Variants in KCNIP1 observed in about 807,000 individuals in gnomAD.
KCNIP1 encodes the protein A-type potassium channel modulatory protein KCNIP1.
Under a neutral mutation model 33.0 loss-of-function variants are expected in KCNIP1, and 18 were observed. That is an observed-to-expected ratio of 0.55 (90% confidence interval 0.38 to 0.81). The LOEUF is 0.81. Ranked by LOEUF, KCNIP1 falls within the 30% of genes least tolerant of loss-of-function variation. The pLI is 0.00. For missense variants in KCNIP1, 238 were observed against 271.6 expected, an observed-to-expected ratio of 0.88 and a Z score of 0.87; for synonymous variants, 93 against 98.3, an observed-to-expected ratio of 0.95 and a Z score of 0.32.
intron 1 of KCNIP1, among the ~76,000 whole-genome samples, chr5:170,652,517 G>GGAAA (rs1761085669): frequency 7.7e-6 from 1 of 129,978 alleles, no homozygotes; most frequent in Non-Finnish European, 1.6e-5. Flanking sequence ...AAGGAAGGAA[G>GGAAA]GAGAAAAGAA....
chr5:170,599,501 T>C (rs1210729012), intron 1 of KCNIP1, among the ~76,000 whole-genome samples: 1 of 152,250 alleles, frequency 6.6e-6, no homozygotes, highest in East Asian at 1.9e-4. Context: ...TCTCCCATCA[T>C]TGGAGACAAT....
At chr5:170,731,715 A>G (rs1250902342) in intron 5 of KCNIP1, among the ~76,000 whole-genome samples, 1 of 146,892 alleles carries the variant, frequency 6.8e-6, no homozygotes, top group South Asian at 2.1e-4. Flanking sequence ...AAAAGAAAAA[A>G]GAAAAAAAGA....
intron 1 of KCNIP1, among the ~76,000 whole-genome samples, chr5:170,539,131 C>T (rs922226501): frequency 1.3e-5 from 2 of 152,172 alleles, no homozygotes; most frequent in Admixed American, 6.5e-5. Flanking sequence ...CCAAACTCAT[C>T]TCTAGTCTAC....
chr5:170,719,006 T>C, intron 2 of KCNIP1, 124 bp downstream of exon 2: 9 of 1,256,422 alleles, frequency 7.2e-6, no homozygotes, highest in Non-Finnish European at 9.8e-6. Context: ...AGGCCAGCTC[T>C]ATAAAGGGGG....
At chr5:170,464,051 G>T (rs897836088) in intron 1 of KCNIP1, among the ~76,000 whole-genome samples, 2 of 151,774 alleles carry the variant, frequency 1.3e-5, no homozygotes, top group Non-Finnish European at 2.9e-5. Flanking sequence ...ACTTACAATA[G>T]CATCAAGAAA....
intron 1 of KCNIP1, chr5:170,374,672 CAT>C (rs1763938694): frequency 6.6e-6 from 1 of 152,182 alleles, no homozygotes; most frequent in Non-Finnish European, 1.5e-5. Flanking sequence ...ACTAGACACT[CAT>C]TAGCAGAGTG....
chr5:170,725,487 G>A (rs1288688846), intron 5 of KCNIP1, among the ~76,000 whole-genome samples: 1 of 152,162 alleles, frequency 6.6e-6, no homozygotes, highest in Non-Finnish European at 1.5e-5. Flanking sequence ...TATGAAGATA[G>A]AGGGCAGAAG....
chr5:170,521,255 T>C (rs1247569497), intron 1 of KCNIP1, among the ~76,000 whole-genome samples: 1 of 152,210 alleles, frequency 6.6e-6, no homozygotes, highest in East Asian at 1.9e-4. Context: ...TCAGAATCTT[T>C]CTTAACACAA....
At chr5:170,715,007 G>A (rs960508150) in intron 1 of KCNIP1, among the ~76,000 whole-genome samples, 1 of 152,138 alleles carries the variant, frequency 6.6e-6, no homozygotes, top group Non-Finnish European at 1.5e-5. Context: ...GACTCACCCA[G>A]AGCAACTTCC....
rs549412196 is a variant in KCNIP1 at position 170,449,484 on chromosome 5, C to A, written c.88+95520C>A. Among the ~76,000 whole-genome samples, 12 of 152,338 alleles carry A rather than the reference C, an allele frequency of 7.9e-5. No homozygotes were observed. The South Asian group carries it at 8.3e-4, about 11-fold the overall frequency. On this transcript the variant is annotated intron_variant, in intron 1 of 7. Coordinates refer to the KCNIP1 transcript ENST00000377360. Reference sequence around the variant, plus strand: ...CCAAGGAGTCCAGAGGAAAATCGGGCAGGTCCTGAATCAGGCTGCTGTAGG... The same window carrying A: ...CCAAGGAGTCCAGAGGAAAATCGGGAAGGTCCTGAATCAGGCTGCTGTAGG...
intron 1 of KCNIP1, among the ~76,000 whole-genome samples, chr5:170,712,320 T>C (rs1763478725): frequency 6.6e-6 from 1 of 152,228 alleles, no homozygotes. Context: ...ACTTGTAGAC[T>C]GTAAGCTCCA....
intron 1 of KCNIP1, among the ~76,000 whole-genome samples, chr5:170,665,573 A>G (rs1428961835): frequency 6.6e-6 from 1 of 152,254 alleles, no homozygotes; most frequent in African/African-American, 2.4e-5. Flanking sequence ...CCCATTGGTA[A>G]CAGCTTAGGT....
At chr5:170,720,526 AT>A in intron 3 of KCNIP1, 136 bp downstream of exon 3, 1 of 701,938 alleles carries the variant, frequency 1.4e-6, no homozygotes, top group Non-Finnish European at 2.6e-6. Context: ...CACCTCCCTC[AT>A]CGTGAGAGGT....
At chr5:170,383,448 T>G (rs1764334051) in intron 1 of KCNIP1, 1 of 614,700 alleles carries the variant, frequency 1.6e-6, no homozygotes, top group South Asian at 1.9e-5. Context: ...ACTGAGGAGG[T>G]GAGAGGCTAA....
intron 1 of KCNIP1, among the ~76,000 whole-genome samples, chr5:170,597,812 T>TG (rs1285352064): frequency 0.079 from 833 of 10,518 alleles, 30 homozygotes; most frequent in South Asian, 0.15. Context: ...TATATATATA[T>TG]ATATATATAT....
chr5:170,561,586 A>G (rs1313681128), intron 1 of KCNIP1, among the ~76,000 whole-genome samples: 1 of 152,178 alleles, frequency 6.6e-6, no homozygotes, highest in Non-Finnish European at 1.5e-5. Flanking sequence ...CTTGGCCCTT[A>G]GGCGCTATGT....
At chr5:170,712,576 C>T (rs1240313586) in intron 1 of KCNIP1, among the ~76,000 whole-genome samples, 1 of 152,242 alleles carries the variant, frequency 6.6e-6, no homozygotes, top group East Asian at 1.9e-4. Context: ...CATGTGCCAT[C>T]CCATCTCTGC....
chr5:170,729,104 G>A (rs901392591), intron 5 of KCNIP1, among the ~76,000 whole-genome samples: 3 of 151,724 alleles, frequency 2.0e-5, no homozygotes, highest in Non-Finnish European at 2.9e-5. Flanking sequence ...ATTCTTACTC[G>A]GTACCATAAA....
chr5:170,705,490 C>T (rs1763228348), intron 1 of KCNIP1, among the ~76,000 whole-genome samples: 1 of 152,182 alleles, frequency 6.6e-6, no homozygotes, highest in African/African-American at 2.4e-5. Context: ...AGGAAATGTC[C>T]TTAGTGGCCA....
Sources: gnomAD v4.1 joint callset for allele counts (sites outside exome capture counted in the v4.1 genomes callset) on GRCh38, gnomAD v4.1.1 for gene constraint, MANE v1.5 for transcripts, NCBI Gene and HGNC (gene_info 2026-07-23, HGNC 2026-07-21) for gene names.